The following MEGF10 variants were observed in gnomAD, a reference collection of about 807,000 sequenced individuals.
The protein encoded by MEGF10 is multiple epidermal growth factor-like domains protein 10.
A neutral mutation model predicts 147.5 loss-of-function variants in MEGF10; 86 were observed. The observed-to-expected ratio is 0.58, with a 90% CI of 0.49 to 0.70. The LOEUF (loss-of-function observed/expected upper bound fraction) is 0.70. MEGF10 is among the 30% of genes least tolerant of loss of function. The pLI is 0.00. For synonymous variants in MEGF10, 478 were observed against 525.5 expected, an observed-to-expected ratio of 0.91 and a Z score of 1.24; for missense variants, 1,329 against 1,487.3, an observed-to-expected ratio of 0.89 and a Z score of 1.75.
chr5:127,252,413 A>G, the MEGF10 span, among the ~76,000 whole-genome samples: 1 of 151,854 alleles, frequency 6.6e-6, no homozygotes, highest in East Asian at 1.9e-4. Context: ...TGGTAAAGCC[A>G]TAATGTTGAA....
At position 127,440,775 on chromosome 5, in the gene MEGF10, T is replaced by C. The variant is rs367850011; in HGVS notation, c.2270T>C (p.Leu757Pro). The C allele has an allele frequency of 4.3e-6, 7 of 1,613,752 alleles. No homozygotes were observed. In the African/African-American group the frequency reaches 9.3e-5, roughly 22 times the overall value. Residue 757 changes from leucine to proline, a missense_variant, in exon 18 of 25, where the codon CTG becomes CCG. Coordinates refer to ENST00000503335, the MANE Select transcript of MEGF10 (RefSeq NM_001256545.2). ...GGGTTTTATGGAAAAGATTGTGCACTGATATGCCAATGTCAAAACGGAGCT... is the reference window on the plus strand; with the variant it reads ...GGGTTTTATGGAAAAGATTGTGCACCGATATGCCAATGTCAAAACGGAGCT... Reference protein sequence around the residue: ...PLGFYGKDCALICQCQNGADC... With the variant: ...PLGFYGKDCAPICQCQNGADC...
chr5:127,417,090 CACTT>C (rs1272377635), intron 9 of MEGF10, among the ~76,000 whole-genome samples: 2 of 152,216 alleles, frequency 1.3e-5, no homozygotes, highest in Non-Finnish European at 2.9e-5. Flanking sequence ...TGTGTCAACT[CACTT>C]ACGCGTGCAT....
At chr5:127,264,982 T>G in the MEGF10 span, among the ~76,000 whole-genome samples, 1 of 152,154 alleles carries the variant, frequency 6.6e-6, no homozygotes, top group Non-Finnish European at 1.5e-5. Flanking sequence ...GTTTGTTACA[T>G]ATGTATACAT....
chr5:127,300,728 G>T (rs183628296), intron 1 of MEGF10, among the ~76,000 whole-genome samples: 1 of 152,296 alleles, frequency 6.6e-6, no homozygotes, highest in East Asian at 1.9e-4. Context: ...TGGTGCAGCT[G>T]GGAGGGCCTA....
intron 1 of MEGF10, among the ~76,000 whole-genome samples, chr5:127,318,681 A>C (rs771752393): frequency 6.6e-6 from 1 of 152,206 alleles, no homozygotes; most frequent in African/African-American, 2.4e-5. Flanking sequence ...AAAATAGGTT[A>C]ATGAAAAACA....
At chr5:127,369,877 C>A in intron 4 of MEGF10, 33 bp from the exon 5 acceptor site, 1 of 1,567,026 alleles carries the variant, frequency 6.4e-7, no homozygotes, top group Non-Finnish European at 8.7e-7. Flanking sequence ...CTTGTGCCAA[C>A]TTTCTTTATT....
chr5:127,309,947 C>CTCTTCCCTTCTT (rs1760190490), intron 1 of MEGF10, among the ~76,000 whole-genome samples: 4 of 90,396 alleles, frequency 4.4e-5, no homozygotes, highest in Non-Finnish European at 9.3e-5. Context: ...TCCTTGCCAA[C>CTCTTCCCTTCTT]TCTTTCTTTC....
intron 22 of MEGF10, among the ~76,000 whole-genome samples, chr5:127,453,624 T>C (rs1162735714): frequency 2.0e-5 from 3 of 152,346 alleles, no homozygotes; most frequent in East Asian, 1.9e-4. Flanking sequence ...CAAAGTCCTA[T>C]GGCCAATAAG....
At chr5:127,315,377 GTACA>G (rs1760480581) in intron 1 of MEGF10, among the ~76,000 whole-genome samples, 1 of 152,010 alleles carries the variant, frequency 6.6e-6, no homozygotes, top group African/African-American at 2.4e-5. Context: ...AAACACTTAT[GTACA>G]TTTGGGGTCC....
chr5:127,448,987 C>G, intron 21 of MEGF10, 112 bp from the exon 22 acceptor site: 1 of 1,430,134 alleles, frequency 7.0e-7, no homozygotes, highest in Non-Finnish European at 9.5e-7. Flanking sequence ...GCTCAGGTCA[C>G]TCTAAGGACT....
At chr5:127,248,174 C>T in the MEGF10 span, among the ~76,000 whole-genome samples, 23 of 152,138 alleles carry the variant, frequency 1.5e-4, no homozygotes, top group Admixed American at 9.2e-4. Flanking sequence ...AGGGGTATAG[C>T]CTAGCCCAAA....
chr5:127,377,646 A>G (rs1763083277), intron 5 of MEGF10, among the ~76,000 whole-genome samples: 1 of 152,230 alleles, frequency 6.6e-6, no homozygotes, highest in Non-Finnish European at 1.5e-5. Flanking sequence ...TGCCTGCAGG[A>G]TATTCGAATG....
the MEGF10 span, among the ~76,000 whole-genome samples, chr5:127,246,421 A>G: frequency 6.6e-6 from 1 of 152,042 alleles, no homozygotes; most frequent in Non-Finnish European, 1.5e-5. Context: ...ATATGGGTAC[A>G]GGGAGGGGAA....
chr5:127,263,136 G>A, the MEGF10 span, among the ~76,000 whole-genome samples: 1,848 of 152,136 alleles, frequency 0.012, 18 homozygotes, highest in Non-Finnish European at 0.02. Context: ...AACATACTAT[G>A]GTAAGCTTTT....
intron 4 of MEGF10, among the ~76,000 whole-genome samples, chr5:127,347,287 T>C (rs576981564): frequency 1.3e-5 from 2 of 152,082 alleles, no homozygotes; most frequent in Non-Finnish European, 2.9e-5. Context: ...TATTGTATGT[T>C]TTTTAATGTC....
At chr5:127,312,640 T>C (rs1203336050) in intron 1 of MEGF10, among the ~76,000 whole-genome samples, 1 of 152,214 alleles carries the variant, frequency 6.6e-6, no homozygotes, top group Non-Finnish European at 1.5e-5. Context: ...ACAGTTATGT[T>C]CTTTCTGGGT....
intron 5 of MEGF10, among the ~76,000 whole-genome samples, chr5:127,374,510 CA>C (rs1417996110): frequency 1.4e-5 from 2 of 139,820 alleles, no homozygotes; most frequent in Non-Finnish European, 3.0e-5. Flanking sequence ...CATTCCTATA[CA>C]TAAAAAAAAC....
intron 2 of MEGF10, among the ~76,000 whole-genome samples, chr5:127,338,454 T>A (rs1188218959): frequency 6.6e-6 from 1 of 152,116 alleles, no homozygotes; most frequent in Non-Finnish European, 1.5e-5. Context: ...AAGAAGAACC[T>A]GTTAGTGAAA....
chr5:127,452,983 T>A (rs1424503403), intron 22 of MEGF10, among the ~76,000 whole-genome samples: 1 of 152,150 alleles, frequency 6.6e-6, no homozygotes, highest in Non-Finnish European at 1.5e-5. Context: ...ATGATTGATA[T>A]CTGACAGACC....
Sources: gnomAD v4.1 joint callset for allele counts (sites outside exome capture counted in the v4.1 genomes callset) on GRCh38, gnomAD v4.1.1 for gene constraint, MANE v1.5 for transcripts, NCBI Gene and HGNC (gene_info 2026-07-23, HGNC 2026-07-21) for gene names.